Variants in RASAL2 observed in about 807,000 individuals in gnomAD.
The protein encoded by RASAL2 is RAS protein activator like 2.
RASAL2 carries 58 observed loss-of-function variants against 128.9 expected under a neutral mutation model. That is an observed-to-expected ratio of 0.45 (90% confidence interval 0.36 to 0.56). RASAL2 has a LOEUF of 0.56. Ranked by LOEUF, RASAL2 falls within the 20% of genes least tolerant of loss-of-function variation. RASAL2 has a pLI of 0.00. For missense variants in RASAL2, 1,360 were observed against 1,601.6 expected (o/e 0.85, Z 2.57); for synonymous variants, 561 against 580.8 (o/e 0.97, Z 0.49).
chr1:178,098,601 C>T (rs1658780122), intron 1 of RASAL2, among the ~76,000 whole-genome samples: 1 of 152,136 alleles, frequency 6.6e-6, no homozygotes, highest in African/African-American at 2.4e-5. Flanking sequence ...GAGCTCTGCA[C>T]TCATCAGTAT....
chr1:178,402,631 TA>T (rs1673715389), intron 4 of RASAL2, among the ~76,000 whole-genome samples: 1 of 152,206 alleles, frequency 6.6e-6, no homozygotes, highest in African/African-American at 2.4e-5. Flanking sequence ...TCCATCCTGA[TA>T]GACGTTAGTA....
chr1:178,340,264 A>G (rs7547158), intron 3 of RASAL2, among the ~76,000 whole-genome samples: 37,746 of 152,028 alleles, frequency 0.25, 7,439 homozygotes, highest in African/African-American at 0.55. Flanking sequence ...ATACTGTGTC[A>G]TTTTCATGTC....
chr1:178,172,010 C>T (rs765070529), intron 1 of RASAL2, among the ~76,000 whole-genome samples: 46 of 151,942 alleles, frequency 3.0e-4, no homozygotes, highest in South Asian at 6.2e-4. Context: ...TCTGTTCTTC[C>T]TTTCCTTCCA....
intron 3 of RASAL2, chr1:178,389,366 A>G: frequency 1.3e-4 from 70 of 552,238 alleles, no homozygotes; most frequent in South Asian, 5.5e-4. Flanking sequence ...ATATATACAC[A>G]TGTATATATA....
chr1:178,410,181 G>A (rs1391448337), intron 4 of RASAL2, among the ~76,000 whole-genome samples: 5 of 152,096 alleles, frequency 3.3e-5, no homozygotes, highest in African/African-American at 9.7e-5. Context: ...GTAGATTAAT[G>A]TGGAGAAAGA....
intron 3 of RASAL2, among the ~76,000 whole-genome samples, chr1:178,338,640 G>T (rs1446194795): frequency 6.6e-6 from 1 of 152,102 alleles, no homozygotes; most frequent in Non-Finnish European, 1.5e-5. Flanking sequence ...ATTGAACTTT[G>T]AAACTATCAT....
intron 4 of RASAL2, chr1:178,412,061 GA>G (rs369185850): frequency 0.066 from 16,397 of 246,918 alleles, 20 homozygotes; most frequent in South Asian, 0.11. Context: ...GCCATCATGT[GA>G]AAAAAAAAAA....
At chr1:178,385,512 C>T (rs1357225376) in intron 3 of RASAL2, among the ~76,000 whole-genome samples, 3 of 151,410 alleles carry the variant, frequency 2.0e-5, no homozygotes, top group Non-Finnish European at 4.4e-5. Flanking sequence ...CTTTTGGTGA[C>T]GCATGTCTGA....
intron 5 of RASAL2, among the ~76,000 whole-genome samples, chr1:178,436,574 A>T (rs1472029198): frequency 6.6e-6 from 1 of 152,122 alleles, no homozygotes; most frequent in African/African-American, 2.4e-5. Context: ...AGAAACATTA[A>T]ACCACGGTAG....
rs1256613219 is a variant in RASAL2, at chr1:178,454,510, A to G, written c.2073A>G (p.Gly691=). ...ATTTTTTAGAACATGAATGGGGTGG[A>G]ATGAAGCGCTTTCTTTTGGAGATCT... ...MNDFLEHEWG[G]MKRFLLEISN... is the part of the protein sequence containing the mutation. Residue 691 remains glycine, a synonymous_variant, in exon 12 of 18, where the codon GGA becomes GGG. Transcript: ENST00000367649. 1.2e-6 allele frequency: 2 copies of G among 1,613,646 alleles called. No individual in the cohort carries two copies. The highest frequency in any genetic ancestry group is 1.7e-6 in the Non-Finnish European group (2 of 1,179,712).
At chr1:178,296,107 ATATG>A (rs904546139) in intron 2 of RASAL2, among the ~76,000 whole-genome samples, 26 of 149,820 alleles carry the variant, frequency 1.7e-4, no homozygotes, top group African/African-American at 5.8e-4. Context: ...ATATGTGTAT[ATATG>A]TGTGTATATA....
chr1:178,387,948 G>A (rs1672679665), intron 3 of RASAL2, among the ~76,000 whole-genome samples: 1 of 152,084 alleles, frequency 6.6e-6, no homozygotes, highest in Admixed American at 6.6e-5. Flanking sequence ...GGAAGAAAGT[G>A]AGGAAATTAA....
At chr1:178,245,922 A>G (rs1664747857) in intron 1 of RASAL2, among the ~76,000 whole-genome samples, 1 of 151,990 alleles carries the variant, frequency 6.6e-6, no homozygotes, top group Non-Finnish European at 1.5e-5. Flanking sequence ...GTTGCATTGG[A>G]CTATATATCT....
chr1:178,446,453 G>C (rs1677003611), intron 9 of RASAL2, among the ~76,000 whole-genome samples: 1 of 152,100 alleles, frequency 6.6e-6, no homozygotes, highest in South Asian at 2.1e-4. Context: ...AGAGAAACAG[G>C]TGAAATTGAT....
At chr1:178,383,729 A>G (rs1392852357) in intron 3 of RASAL2, among the ~76,000 whole-genome samples, 4 of 152,106 alleles carry the variant, frequency 2.6e-5, no homozygotes, top group Admixed American at 1.3e-4. Flanking sequence ...TGTGCATCCT[A>G]TGGAAGAAGA....
chr1:178,300,325 T>C (rs551279076), intron 3 of RASAL2, among the ~76,000 whole-genome samples: 28 of 152,226 alleles, frequency 1.8e-4, no homozygotes, highest in Admixed American at 4.6e-4. Context: ...AAAGACTTTA[T>C]GTGAGCACTA....
At chr1:178,185,943 A>T (rs530186902) in intron 1 of RASAL2, among the ~76,000 whole-genome samples, 2 of 152,066 alleles carry the variant, frequency 1.3e-5, no homozygotes, top group African/African-American at 4.8e-5. Context: ...TTTCTGGAAG[A>T]GATTGTGGAG....
intron 1 of RASAL2, among the ~76,000 whole-genome samples, chr1:178,132,171 G>A (rs1660143586): frequency 6.6e-6 from 1 of 151,900 alleles, no homozygotes; most frequent in Admixed American, 6.6e-5. Context: ...CTCCTGAGTA[G>A]CTGGGACTGC....
At chr1:178,326,518 C>T (rs1275438535) in intron 3 of RASAL2, among the ~76,000 whole-genome samples, 1 of 152,084 alleles carries the variant, frequency 6.6e-6, no homozygotes, top group Non-Finnish European at 1.5e-5. Context: ...GTTTATGTCT[C>T]AGAAAATATC....
Sources: allele counts gnomAD v4.1 joint callset (sites outside exome capture counted in the v4.1 genomes callset), GRCh38; gene constraint gnomAD v4.1.1; transcripts MANE v1.5; gene names NCBI Gene and HGNC (gene_info 2026-07-23, HGNC 2026-07-21).